The following FAM241A variants were observed in gnomAD, a reference collection of about 807,000 sequenced individuals.
FAM241A encodes the protein family with sequence similarity 241 member A.
FAM241A carries 7 observed loss-of-function variants against 12.2 expected under a neutral mutation model. That is an observed-to-expected ratio of 0.58 (90% CI 0.33 to 1.08). The LOEUF is 1.08. FAM241A is among the 50% of genes least tolerant of loss of function. The pLI is 0.04. For missense variants in FAM241A, 161 were observed against 169.7 expected, an observed-to-expected ratio of 0.95 and a Z score of 0.29; for synonymous variants, 74 against 68.2, an observed-to-expected ratio of 1.08 and a Z score of -0.42.
At chr4:112,174,078 C>T (rs1315544525) in intron 1 of FAM241A, among the ~76,000 whole-genome samples, 1 of 152,126 alleles carries the variant, frequency 6.6e-6, no homozygotes, top group African/African-American at 2.4e-5. Context: ...AGCTCTCTGC[C>T]CCTCCTCCTC....
intron 1 of FAM241A, among the ~76,000 whole-genome samples, chr4:112,179,449 A>G (rs1288582703): frequency 6.6e-6 from 1 of 152,134 alleles, no homozygotes; most frequent in East Asian, 1.9e-4. Flanking sequence ...TCAGCAAACT[A>G]TCGCAAGGAC....
intron 1 of FAM241A, among the ~76,000 whole-genome samples, chr4:112,179,935 A>ATATATATATATATATG (rs1553921430): frequency 7.8e-6 from 1 of 127,960 alleles, no homozygotes; most frequent in African/African-American, 2.8e-5. Flanking sequence ...ATATATATAT[A>ATATATATATATATATG]TATGTATATG....
intron 1 of FAM241A, among the ~76,000 whole-genome samples, chr4:112,146,265 G>C (rs1185902019): frequency 2.0e-5 from 3 of 152,048 alleles, no homozygotes; most frequent in African/African-American, 7.3e-5. Context: ...TGAATGTCTT[G>C]ACAGGGACTC....
intron 1 of FAM241A, among the ~76,000 whole-genome samples, chr4:112,167,919 A>T (rs902766387): frequency 3.3e-5 from 5 of 152,232 alleles, no homozygotes; most frequent in Non-Finnish European, 5.9e-5. Flanking sequence ...CATGACAGAC[A>T]TCAAGAACCA....
chr4:112,176,341 A>G (rs531045138), intron 1 of FAM241A, among the ~76,000 whole-genome samples: 1 of 152,356 alleles, frequency 6.6e-6, no homozygotes, highest in South Asian at 2.1e-4. Context: ...CCATATATTG[A>G]GTGCTTATTC....
intron 1 of FAM241A, among the ~76,000 whole-genome samples, chr4:112,148,982 T>C (rs1723193324): frequency 6.6e-6 from 1 of 152,236 alleles, no homozygotes; most frequent in South Asian, 2.1e-4. Flanking sequence ...TTATTAACTC[T>C]AGCTTTAACG....
intron 1 of FAM241A, 89 bp from the exon 2 acceptor site, chr4:112,186,604 C>G: frequency 8.2e-7 from 1 of 1,226,476 alleles, no homozygotes; most frequent in Non-Finnish European, 1.1e-6. Flanking sequence ...ATGCCCAGCA[C>G]TTTGGAAGAT....
intron 1 of FAM241A, among the ~76,000 whole-genome samples, chr4:112,172,329 TGAA>T (rs1723740270): frequency 6.6e-6 from 1 of 152,252 alleles, no homozygotes; most frequent in African/African-American, 2.4e-5. Flanking sequence ...ACCTTTGAGA[TGAA>T]GAGGAATACA....
chr4:112,157,788 C>A (rs1482830804), intron 1 of FAM241A, among the ~76,000 whole-genome samples: 4 of 152,078 alleles, frequency 2.6e-5, no homozygotes, highest in Non-Finnish European at 5.9e-5. Flanking sequence ...GGATTCCATA[C>A]CTATGTCTAG....
At chr4:112,151,345 A>T (rs1329067382) in intron 1 of FAM241A, among the ~76,000 whole-genome samples, 1 of 152,116 alleles carries the variant, frequency 6.6e-6, no homozygotes, top group African/African-American at 2.4e-5. Flanking sequence ...CCAGAAGGAG[A>T]TGCCAGCACT....
rs146528827 is a variant in FAM241A at position 112,173,049 on chromosome 4, C to T, written c.154-13644C>T. 1.3e-3 allele frequency among the ~76,000 whole-genome samples: 204 copies of T among 152,090 alleles called. 4 individuals are homozygous for T. The East Asian group carries it at 0.037, about 28-fold the overall frequency. ...ACTACAGGCACACACCACCATACCC[C>T]GCTAACTTCTGTATTTTTTTGTAGA... On this transcript the variant is annotated intron_variant, in intron 1 of 1. Coordinates refer to ENST00000309733, the MANE Select transcript of FAM241A (RefSeq NM_152400.3).
At chr4:112,185,340 A>C (rs1724017002) in intron 1 of FAM241A, among the ~76,000 whole-genome samples, 1 of 152,216 alleles carries the variant, frequency 6.6e-6, no homozygotes, top group Non-Finnish European at 1.5e-5. Context: ...CATGGTCACC[A>C]GATCAGCATC....
chr4:112,169,740 G>A (rs1485409842), intron 1 of FAM241A, among the ~76,000 whole-genome samples: 6 of 152,216 alleles, frequency 3.9e-5, no homozygotes, highest in Admixed American at 2.6e-4. Flanking sequence ...CTATGAATTC[G>A]TAGTTGAAAT....
chr4:112,185,258 G>A (rs1474823299), intron 1 of FAM241A, among the ~76,000 whole-genome samples: 3 of 152,054 alleles, frequency 2.0e-5, no homozygotes, highest in African/African-American at 7.3e-5. Flanking sequence ...TGGGGAGGGG[G>A]AGAGAAACTA....
intron 1 of FAM241A, among the ~76,000 whole-genome samples, chr4:112,179,842 A>G (rs1202271298): frequency 6.7e-6 from 1 of 148,484 alleles, no homozygotes; most frequent in Non-Finnish European, 1.5e-5. Flanking sequence ...TGTTCATCAT[A>G]GTGCTATTCT....
chr4:112,169,935 C>G (rs1049998475), intron 1 of FAM241A, among the ~76,000 whole-genome samples: 9 of 152,112 alleles, frequency 5.9e-5, no homozygotes, highest in Non-Finnish European at 1.2e-4. Flanking sequence ...AGATTCCTGA[C>G]CTTTTATAAG....
At chr4:112,170,358 C>T (rs1013250951) in intron 1 of FAM241A, among the ~76,000 whole-genome samples, 3 of 152,016 alleles carry the variant, frequency 2.0e-5, no homozygotes, top group African/African-American at 7.2e-5. Context: ...GTGTACATAC[C>T]TATGATAACA....
At chr4:112,159,599 A>G (rs1190954331) in intron 1 of FAM241A, among the ~76,000 whole-genome samples, 1 of 152,156 alleles carries the variant, frequency 6.6e-6, no homozygotes, top group East Asian at 1.9e-4. Flanking sequence ...AGTGCGATTT[A>G]TCCCAGGGAC....
At chr4:112,156,462 C>T (rs1179603457) in intron 1 of FAM241A, among the ~76,000 whole-genome samples, 1 of 152,222 alleles carries the variant, frequency 6.6e-6, no homozygotes, top group African/African-American at 2.4e-5. Flanking sequence ...CCACTCCTCA[C>T]TGCCCTCTCC....
Sources: gnomAD v4.1 joint callset for allele counts (sites outside exome capture counted in the v4.1 genomes callset) on GRCh38, gnomAD v4.1.1 for gene constraint, MANE v1.5 for transcripts, NCBI Gene and HGNC (gene_info 2026-07-23, HGNC 2026-07-21) for gene names.